The following CDH1 variants were observed in gnomAD, a reference collection of about 807,000 sequenced individuals.
CDH1 encodes the protein cadherin 1, also known as cadherin-1.
In CDH1, 35 loss-of-function variants were observed where a neutral mutation model predicts 84.5. The observed-to-expected ratio is 0.41, with a 90% CI of 0.32 to 0.55. The LOEUF (loss-of-function observed/expected upper bound fraction) is 0.55, where lower values mean the gene tolerates loss of function less well. CDH1 is among the 20% of genes least tolerant of loss of function. The probability of loss-of-function intolerance (pLI) is 0.19; values close to 1 mark genes in which losing one functional copy is unlikely to be tolerated. For missense variants in CDH1, 994 were observed against 1,126.6 expected, an observed-to-expected ratio of 0.88 and a Z score of 1.68; for synonymous variants, 417 against 439.0, an observed-to-expected ratio of 0.95 and a Z score of 0.63.
chr16:68,775,439 TC>T (rs1157580169), intron 2 of CDH1, among the ~76,000 whole-genome samples: 7 of 152,092 alleles, frequency 4.6e-5, no homozygotes, highest in African/African-American at 1.7e-4. Flanking sequence ...AAACATCACC[TC>T]CCGAGATCCT....
intron 2 of CDH1, among the ~76,000 whole-genome samples, chr16:68,755,150 G>A (rs530403650): frequency 1.3e-5 from 2 of 152,018 alleles, no homozygotes; most frequent in East Asian, 1.9e-4. Flanking sequence ...AGTGGCATAT[G>A]CTTGTAGTCC....
rs73560990 is a variant in CDH1, at chr16:68,799,079, T to G, written c.164-2591T>G. On this transcript the variant is annotated intron_variant, in intron 2 of 15. Transcript: ENST00000261769. ...ACTCAAACAGTGGTGATAACCTTTA[T>G]GTTATAGTAGAGAAGGCCAAGGCCC... Among the ~76,000 whole-genome samples, 1,019 of 152,344 alleles carry G rather than the reference T, an allele frequency of 6.7e-3. 14 individuals carry two copies. The highest frequency in any genetic ancestry group is 0.023 in the African/African-American group (947 of 41,588).
intron 3 of CDH1, among the ~76,000 whole-genome samples, chr16:68,806,426 A>C (rs764623294): frequency 3.3e-5 from 5 of 152,160 alleles, no homozygotes; most frequent in African/African-American, 1.2e-4. Flanking sequence ...CTGGGATTAC[A>C]GGTGTGAGCC....
At chr16:68,759,252 C>T (rs1567481739) in intron 2 of CDH1, among the ~76,000 whole-genome samples, 1 of 152,030 alleles carries the variant, frequency 6.6e-6, no homozygotes, top group Non-Finnish European at 1.5e-5. Context: ...TATCCCAACA[C>T]TTTGGGAGGC....
At chr16:68,790,668 A>C (rs1482986509) in intron 2 of CDH1, among the ~76,000 whole-genome samples, 3 of 152,156 alleles carry the variant, frequency 2.0e-5, no homozygotes, top group Non-Finnish European at 4.4e-5. Context: ...TGTCGCTGCC[A>C]ACTCCTTGCT....
chr16:68,817,273 C>T (rs1297171952), intron 10 of CDH1, among the ~76,000 whole-genome samples: 4 of 152,236 alleles, frequency 2.6e-5, no homozygotes, highest in African/African-American at 9.6e-5. Context: ...AACAGGGCAA[C>T]CTGCATCTCC....
intron 3 of CDH1, among the ~76,000 whole-genome samples, chr16:68,805,425 G>A (rs1367304811): frequency 6.6e-6 from 1 of 152,206 alleles, no homozygotes; most frequent in Admixed American, 6.5e-5. Flanking sequence ...TGCCAGCACA[G>A]TGTTCATCAT....
intron 5 of CDH1, among the ~76,000 whole-genome samples, chr16:68,809,226 C>CTTTTTTTTTTTTT (rs536314715): frequency 2.2e-5 from 3 of 135,468 alleles, no homozygotes; most frequent in Admixed American, 7.4e-5. Flanking sequence ...ACCAAGAGGT[C>CTTTTTTTTTTTTT]TTTTTTTTTT....
In CDH1 at chr16:68,834,326, G is replaced by A; in HGVS notation, c.*827G>A. 2.0e-6 allele frequency: 1 copy of A among 503,056 alleles called. No individual in the cohort carries two copies. The highest frequency in any genetic ancestry group is 3.9e-6 in the Non-Finnish European group (1 of 256,706). 31.2% of individuals were successfully genotyped at this position (503,056 alleles called of 1,614,324 possible). A position where few individuals can be genotyped will look rare whatever the true frequency, so the allele number is the denominator to read the frequency against. ...GCCCAGGCCTGGGATGCAGTGATGT[G>A]ATCATAGCTCACTGTAACCTCAAAC... On this transcript the variant is annotated 3_prime_UTR_variant, in exon 16 of 16. Transcript: ENST00000261769.
At position 68,801,893 on chromosome 16, in the gene CDH1, G is replaced by A. The variant is rs764700595; in HGVS notation, c.387G>A (p.Gln129=). 1 of 1,612,810 alleles carries A rather than the reference G, an allele frequency of 6.2e-7. No individual in the cohort carries two copies. The change falls in exon 3 of 16, where the codon CAG becomes CAA. Residue 129 remains glutamine (Q), a splice_region_variant and synonymous_variant. Transcript: ENST00000261769. ...ACCACCACCGCCCCCCGCCCCATCAGGTATGTTGGCATTTTTCTGAGAAGT... is the reference window on the plus strand; with the variant it reads ...ACCACCACCGCCCCCCGCCCCATCAAGTATGTTGGCATTTTTCTGAGAAGT... ...VGHHHRPPPH[Q]ASVSGIQAEL...
chr16:68,788,090 G>T (rs1309556852), intron 2 of CDH1, among the ~76,000 whole-genome samples: 1 of 152,114 alleles, frequency 6.6e-6, no homozygotes, highest in Admixed American at 6.6e-5. Flanking sequence ...GCCTCCCAAA[G>T]TGCTGGGATT....
chr16:68,824,595 G>A (rs773227360), intron 13 of CDH1, among the ~76,000 whole-genome samples: 13 of 152,230 alleles, frequency 8.5e-5, no homozygotes, highest in Non-Finnish European at 1.9e-4. Context: ...TTGACATGGA[G>A]TAGGGGTGGA....
chr16:68,774,804 C>T (rs1446227327), intron 2 of CDH1, among the ~76,000 whole-genome samples: 1 of 152,150 alleles, frequency 6.6e-6, no homozygotes, highest in African/African-American at 2.4e-5. Context: ...TTCAATATTT[C>T]AACCATTGGT....
chr16:68,757,678 A>C (rs531879526), intron 2 of CDH1, among the ~76,000 whole-genome samples: 1 of 152,324 alleles, frequency 6.6e-6, no homozygotes, highest in Admixed American at 6.5e-5. Flanking sequence ...CCTGGATTCC[A>C]ATCCCAACTG....
chr16:68,740,327 A>C (rs1436810257), intron 2 of CDH1, among the ~76,000 whole-genome samples: 1 of 152,144 alleles, frequency 6.6e-6, no homozygotes, highest in South Asian at 2.1e-4. Flanking sequence ...TTACAGAGAA[A>C]CTACAGCTCG....
chr16:68,781,100 C>T (rs1266482023), intron 2 of CDH1, among the ~76,000 whole-genome samples: 3 of 152,204 alleles, frequency 2.0e-5, no homozygotes, highest in Non-Finnish European at 4.4e-5. Flanking sequence ...CCATGTTCTC[C>T]TCTCACCTTT....
chr16:68,810,003 C>T (rs1960773311), intron 5 of CDH1, among the ~76,000 whole-genome samples, 194 bp from the exon 6 acceptor site: 1 of 152,170 alleles, frequency 6.6e-6, no homozygotes, highest in Non-Finnish European at 1.5e-5. Context: ...GGGTGTTCTC[C>T]AGCCCATGGC....
intron 3 of CDH1, 145 bp downstream of exon 3, chr16:68,802,038 A>G (rs1960531946): frequency 2.7e-6 from 2 of 743,540 alleles, no homozygotes; most frequent in East Asian, 2.7e-5. Context: ...GATGTTTAGC[A>G]AGCATCCCTG....
At chr16:68,742,185 C>A (rs1033986687) in intron 2 of CDH1, among the ~76,000 whole-genome samples, 2 of 152,226 alleles carry the variant, frequency 1.3e-5, no homozygotes, top group African/African-American at 4.8e-5. Context: ...GCCTTGGAAA[C>A]ACAGGGCCTA....
Sources: allele counts gnomAD v4.1 joint callset (sites outside exome capture counted in the v4.1 genomes callset), GRCh38; gene constraint gnomAD v4.1.1; transcripts MANE v1.5; gene names NCBI Gene and HGNC (gene_info 2026-07-23, HGNC 2026-07-21).